The following NTM variants were observed in gnomAD, a reference collection of about 807,000 sequenced individuals.
NTM encodes neurotrimin, also known as IgLON family member 2.
In NTM, 13 loss-of-function variants were observed where a neutral mutation model predicts 42.1. The ratio of observed to expected loss-of-function variants is 0.31; its 90% CI spans 0.20 to 0.49. NTM has a LOEUF of 0.49. Among genes scored for constraint, NTM ranks in the 20% least tolerant of loss-of-function variants. The probability of loss-of-function intolerance (pLI) is 0.99; values close to 1 mark genes in which losing one functional copy is unlikely to be tolerated. For synonymous variants in NTM, 187 were observed against 179.2 expected (o/e 1.04, Z -0.35); for missense variants, 373 against 452.8 (o/e 0.82, Z 1.60).
intron 1 of NTM, among the ~76,000 whole-genome samples, chr11:131,734,956 G>T (rs2080221923): frequency 6.6e-6 from 1 of 152,058 alleles, no homozygotes; most frequent in South Asian, 2.1e-4. Context: ...TAACCAAGGG[G>T]CTAACTTCAC....
chr11:131,556,855 C>T (rs1166444766), intron 1 of NTM, among the ~76,000 whole-genome samples: 7 of 152,120 alleles, frequency 4.6e-5, no homozygotes, highest in Non-Finnish European at 1.0e-4. Context: ...CGTGAGCCAC[C>T]GCACCCAGCC....
chr11:131,492,434 A>G (rs1954900224), intron 1 of NTM, among the ~76,000 whole-genome samples: 1 of 152,182 alleles, frequency 6.6e-6, no homozygotes, highest in Non-Finnish European at 1.5e-5. Flanking sequence ...TAACGCTAAC[A>G]CAGTACCTTC....
At chr11:131,537,766 A>G (rs1282464376) in intron 1 of NTM, 2 of 152,442 alleles carry the variant, frequency 1.3e-5, no homozygotes, top group East Asian at 3.9e-4. Context: ...TGCCCTCCCA[A>G]TTCACCTGCA....
At chr11:131,631,375 A>T (rs2063642834) in intron 1 of NTM, among the ~76,000 whole-genome samples, 1 of 152,206 alleles carries the variant, frequency 6.6e-6, no homozygotes, top group African/African-American at 2.4e-5. Flanking sequence ...TCAATTTCAG[A>T]TTCTGTTTCC....
Position 131,704,279 on chromosome 11 carries a change from C to T in NTM, c.83-207285C>T, listed in dbSNP as rs185600239. Among the ~76,000 whole-genome samples the T allele has an allele frequency of 4.9e-3, 751 of 152,270 alleles. 3 individuals carry two copies. The highest frequency in any genetic ancestry group is 0.019 in the South Asian group (90 of 4,822). The stretch of plus-strand genomic sequence containing the variant: ...AGTCCCACACCTGTGGATGCAAGCC[C>T]GAGGCTCATCCATGGGGACCAAGGC... On this transcript the variant is annotated intron_variant, in intron 1 of 8. Coordinates refer to ENST00000683400, the MANE Select transcript of NTM (RefSeq NM_001352005.2).
rs139183097 is a variant in NTM at position 132,021,370 on chromosome 11, A to G, written c.167+109722A>G. ...TGAAATTTCAGCTGGTAAATTCAAC[A>G]TCTGGGGACAATCAGAGAGTTTCTA... On this transcript the variant is annotated intron_variant, in intron 2 of 8. Coordinates refer to ENST00000683400, the MANE Select transcript of NTM (RefSeq NM_001352005.2). 1.1e-3 allele frequency among the ~76,000 whole-genome samples: 171 copies of G among 152,302 alleles called. 3 individuals are homozygous for G. In the East Asian group the frequency reaches 0.022, roughly 20 times the overall value.
At chr11:131,814,358 A>T (rs192112699) in intron 1 of NTM, among the ~76,000 whole-genome samples, 74 of 151,820 alleles carry the variant, frequency 4.9e-4, no homozygotes, top group East Asian at 1.9e-3. Flanking sequence ...ACCTGGCACC[A>T]CTCCACCAGC....
At chr11:132,329,814 G>T (rs1018076210) in intron 7 of NTM, among the ~76,000 whole-genome samples, 4 of 152,214 alleles carry the variant, frequency 2.6e-5, no homozygotes, top group Non-Finnish European at 5.9e-5. Context: ...ATTTGGTTTG[G>T]TGTCTCAGGC....
At chr11:132,001,609 A>T (rs1262393150) in intron 2 of NTM, among the ~76,000 whole-genome samples, 2 of 151,966 alleles carry the variant, frequency 1.3e-5, no homozygotes, top group African/African-American at 4.8e-5. Flanking sequence ...GAGGTACCAT[A>T]CCCCAACAAC....
intron 2 of NTM, among the ~76,000 whole-genome samples, chr11:132,060,916 G>T (rs538473624): frequency 6.6e-6 from 1 of 152,186 alleles, no homozygotes; most frequent in African/African-American, 2.4e-5. Context: ...TAGAGCATCT[G>T]CAAAAGCAAA....
intron 3 of NTM, among the ~76,000 whole-genome samples, chr11:132,153,320 T>G (rs954570195): frequency 6.6e-6 from 1 of 152,204 alleles, no homozygotes; most frequent in South Asian, 2.1e-4. Flanking sequence ...TTTCAAGATG[T>G]ATGCCTTTAG....
At chr11:131,787,939 A>G (rs1442925599) in intron 1 of NTM, among the ~76,000 whole-genome samples, 4 of 152,226 alleles carry the variant, frequency 2.6e-5, no homozygotes. Context: ...TAGTATTCCT[A>G]TAAAACACTT....
At chr11:131,714,222 T>A (rs750376431) in intron 1 of NTM, among the ~76,000 whole-genome samples, 12 of 152,130 alleles carry the variant, frequency 7.9e-5, no homozygotes, top group Non-Finnish European at 1.6e-4. Context: ...AGAGTCTCAC[T>A]CTGTCACTCA....
intron 4 of NTM, among the ~76,000 whole-genome samples, chr11:132,249,209 T>C (rs1591526029): frequency 6.6e-6 from 1 of 152,188 alleles, no homozygotes; most frequent in East Asian, 1.9e-4. Context: ...GAATATGCCA[T>C]TGCAGTAAAA....
In NTM at chr11:131,780,272, A is replaced by G. The variant is rs548259626; in HGVS notation, c.83-131292A>G. Among the ~76,000 whole-genome samples the G allele has an allele frequency of 1.2e-4, 19 of 152,290 alleles. No homozygotes were observed. In the South Asian group the frequency reaches 3.7e-3, roughly 30 times the overall value. ...AGAGCCACGCAGGGACAGCAGGTGC[A>G]GAGAGGAGTGCATAAGGAAGTCAGA... On this transcript the variant is annotated intron_variant, in intron 1 of 8. Transcript: ENST00000683400.
chr11:132,280,701 G>C (rs2093944583), intron 4 of NTM, among the ~76,000 whole-genome samples: 1 of 152,020 alleles, frequency 6.6e-6, no homozygotes, highest in South Asian at 2.1e-4. Flanking sequence ...GGCCAGGCTG[G>C]TCTGGAATGG....
chr11:131,562,164 T>A (rs2137007030), intron 1 of NTM, among the ~76,000 whole-genome samples: 1 of 152,132 alleles, frequency 6.6e-6, no homozygotes, highest in East Asian at 1.9e-4. Context: ...CAGTCAGGCC[T>A]GGGGACCGAC....
intron 3 of NTM, among the ~76,000 whole-genome samples, chr11:132,190,583 A>G (rs999439653): frequency 1.3e-5 from 2 of 152,024 alleles, no homozygotes; most frequent in Non-Finnish European, 2.9e-5. Flanking sequence ...TAAAACCTAC[A>G]AAAATTAGCT....
At chr11:131,920,549 T>G (rs980445324) in intron 2 of NTM, among the ~76,000 whole-genome samples, 11 of 152,350 alleles carry the variant, frequency 7.2e-5, no homozygotes, top group African/African-American at 2.4e-4. Context: ...GAACTATGAA[T>G]AGCCGTCTTG....
Sources: gnomAD v4.1 joint callset for allele counts (sites outside exome capture counted in the v4.1 genomes callset) on GRCh38, gnomAD v4.1.1 for gene constraint, MANE v1.5 for transcripts, NCBI Gene and HGNC (gene_info 2026-07-23, HGNC 2026-07-21) for gene names.